The following LCLAT1 variants were observed in gnomAD, a reference collection of about 807,000 sequenced individuals.
The protein encoded by LCLAT1 is lysocardiolipin acyltransferase 1.
A neutral mutation model predicts 30.7 loss-of-function variants in LCLAT1; 11 were observed. The ratio of observed to expected loss-of-function variants is 0.36; its 90% CI spans 0.23 to 0.59. The LOEUF (loss-of-function observed/expected upper bound fraction) is 0.59. LCLAT1 is among the 20% of genes least tolerant of loss of function. LCLAT1 has a pLI of 0.77. For missense variants in LCLAT1, 402 were observed against 458.6 expected, an observed-to-expected ratio of 0.88 and a Z score of 1.13; for synonymous variants, 155 against 151.3, an observed-to-expected ratio of 1.02 and a Z score of -0.18.
chr2:30,627,988 T>C (rs1299731159), intron 5 of LCLAT1, among the ~76,000 whole-genome samples: 1 of 152,126 alleles, frequency 6.6e-6, no homozygotes. Context: ...AAATTGACCA[T>C]AAAACTGTTT....
intron 1 of LCLAT1, among the ~76,000 whole-genome samples, chr2:30,460,118 G>A (rs1478613024): frequency 6.6e-6 from 1 of 152,140 alleles, no homozygotes; most frequent in Non-Finnish European, 1.5e-5. Flanking sequence ...AGGAGCTTAT[G>A]TGATACCATT....
At chr2:30,554,708 G>T (rs7596130) in intron 3 of LCLAT1, among the ~76,000 whole-genome samples, 18,761 of 152,176 alleles carry the variant, frequency 0.12, 2,547 homozygotes, top group African/African-American at 0.34. Context: ...AAAAATGGCT[G>T]CTATGAAAAA....
intron 1 of LCLAT1, among the ~76,000 whole-genome samples, chr2:30,512,779 G>A (rs865794626): frequency 6.6e-6 from 1 of 152,136 alleles, no homozygotes; most frequent in Non-Finnish European, 1.5e-5. Flanking sequence ...TCTCTTGAAT[G>A]CCTGCTTAGT....
At chr2:30,523,599 G>A (rs1558495209) in intron 1 of LCLAT1, among the ~76,000 whole-genome samples, 1 of 152,248 alleles carries the variant, frequency 6.6e-6, no homozygotes, top group Non-Finnish European at 1.5e-5. Flanking sequence ...GCTGGGCACA[G>A]TGGCTTACGC....
At position 30,628,685 on chromosome 2, in the gene LCLAT1, T is replaced by C. The variant is rs541873468; in HGVS notation, c.629-11432T>C. Among the ~76,000 whole-genome samples the C allele has an allele frequency of 2.6e-5, 4 of 152,292 alleles. No individual in the cohort carries two copies. In the East Asian group the frequency reaches 7.7e-4, roughly 29 times the overall value. On this transcript the variant is annotated intron_variant, in intron 5 of 5. Coordinates refer to ENST00000379509, the MANE Select transcript of LCLAT1 (RefSeq NM_001002257.3). ...AGAGGAAAGGAGATCGGTGCCATAA[T>C]TGAAATACCAACTTGGTATTTCAGT...
intron 5 of LCLAT1, among the ~76,000 whole-genome samples, chr2:30,619,590 G>A (rs1470198935): frequency 6.6e-6 from 1 of 152,192 alleles, no homozygotes; most frequent in Non-Finnish European, 1.5e-5. Flanking sequence ...ATAAAGGATT[G>A]GGATTAACTG....
Position 30,525,755 on chromosome 2 carries a change from G to A in LCLAT1, c.165G>A (p.Val55=). 1 of 1,613,900 alleles carries A rather than the reference G, an allele frequency of 6.2e-7. No individual in the cohort carries two copies. Among genetic ancestry groups the A allele is most frequent in the South Asian group, 1.1e-5 (1 of 91,070 alleles). ...TGGCAACATGGCTCACCCTACCTGT[G>A]GTAAGTTACACACCAGAGGAGACTG... ...RLVATWLTLP[V]ALLETMFGVK... Residue 55 remains valine (V), a splice_region_variant and synonymous_variant, in exon 2 of 6, where the codon GTG becomes GTA. Coordinates refer to ENST00000379509, the MANE Select transcript of LCLAT1 (RefSeq NM_001002257.3).
intron 1 of LCLAT1, among the ~76,000 whole-genome samples, chr2:30,456,476 T>C (rs901713129): frequency 6.6e-6 from 1 of 150,586 alleles, no homozygotes; most frequent in Non-Finnish European, 1.5e-5. Flanking sequence ...GGATAAGGGG[T>C]AGAGACACCT....
intron 3 of LCLAT1, among the ~76,000 whole-genome samples, chr2:30,547,419 T>G (rs991980894): frequency 3.3e-5 from 5 of 152,192 alleles, no homozygotes; most frequent in Admixed American, 1.3e-4. Context: ...TTACTAATCT[T>G]AACAGTGAAC....
intron 1 of LCLAT1, among the ~76,000 whole-genome samples, chr2:30,498,752 T>G (rs908948080): frequency 6.6e-6 from 1 of 152,232 alleles, no homozygotes; most frequent in Non-Finnish European, 1.5e-5. Flanking sequence ...ATTGGAATAT[T>G]GTTTGTAAAG....
At chr2:30,567,570 G>GT (rs1397612377) in intron 4 of LCLAT1, among the ~76,000 whole-genome samples, 1 of 152,120 alleles carries the variant, frequency 6.6e-6, no homozygotes, top group Non-Finnish European at 1.5e-5. Flanking sequence ...GTCATGAACA[G>GT]TTAGTCCACT....
rs371735450 is a variant in LCLAT1, at chr2:30,640,427, G to A, written c.939G>A (p.Leu313=). The A allele has an allele frequency of 9.9e-6, 16 of 1,614,036 alleles. No homozygotes were observed. The highest frequency in any genetic ancestry group is 1.4e-5 in the Non-Finnish European group (16 of 1,180,032). Reference sequence around the variant, plus strand: ...TTGTGGTCAAATTGCTCTCTATACTGTATTGGACCCTGTTCAGCCCTGCAA... The same window carrying A: ...TTGTGGTCAAATTGCTCTCTATACTATATTGGACCCTGTTCAGCCCTGCAA... ...RVLVVKLLSI[L]YWTLFSPAMC... Residue 313 remains leucine, a synonymous_variant, in exon 6 of 6, where the codon CTG becomes CTA. Coordinates refer to ENST00000379509, the MANE Select transcript of LCLAT1 (RefSeq NM_001002257.3).
At chr2:30,492,870 ACT>A (rs915358479) in intron 1 of LCLAT1, among the ~76,000 whole-genome samples, 56 of 152,064 alleles carry the variant, frequency 3.7e-4, no homozygotes, top group African/African-American at 1.2e-3. Flanking sequence ...TTTTGCACTG[ACT>A]CTGTGAATTT....
At chr2:30,511,907 A>G (rs1051463286) in intron 1 of LCLAT1, among the ~76,000 whole-genome samples, 2 of 152,152 alleles carry the variant, frequency 1.3e-5, no homozygotes, top group African/African-American at 4.8e-5. Context: ...ATTCATCTCC[A>G]TTTGCATCCA....
intron 1 of LCLAT1, among the ~76,000 whole-genome samples, chr2:30,457,991 A>C (rs1048942281): frequency 6.6e-6 from 1 of 152,120 alleles, no homozygotes; most frequent in Non-Finnish European, 1.5e-5. Flanking sequence ...ACTCTTTATT[A>C]GAAGACTGTG....
intron 1 of LCLAT1, among the ~76,000 whole-genome samples, chr2:30,503,585 T>G (rs1684501231): frequency 1.3e-5 from 2 of 152,218 alleles, no homozygotes; most frequent in Admixed American, 1.3e-4. Flanking sequence ...GTTTTAACTT[T>G]TACATCTTGA....
chr2:30,519,066 T>G (rs1572560983), intron 1 of LCLAT1, among the ~76,000 whole-genome samples: 1 of 152,288 alleles, frequency 6.6e-6, no homozygotes, highest in Non-Finnish European at 1.5e-5. Flanking sequence ...TCACAGCAGG[T>G]TAAATACTTA....
chr2:30,559,840 A>G (rs1041778516), intron 3 of LCLAT1, among the ~76,000 whole-genome samples: 4 of 152,214 alleles, frequency 2.6e-5, no homozygotes, highest in Non-Finnish European at 2.9e-5. Context: ...CTCTTTTGTT[A>G]CATTTTACAA....
chr2:30,486,604 C>T (rs1229853753), intron 1 of LCLAT1, among the ~76,000 whole-genome samples: 1 of 152,154 alleles, frequency 6.6e-6, no homozygotes, highest in Non-Finnish European at 1.5e-5. Flanking sequence ...ATTTCAAATC[C>T]TCTAGTGGCA....
Sources: gnomAD v4.1 joint callset for allele counts (sites outside exome capture counted in the v4.1 genomes callset) on GRCh38, gnomAD v4.1.1 for gene constraint, MANE v1.5 for transcripts, NCBI Gene and HGNC (gene_info 2026-07-23, HGNC 2026-07-21) for gene names.